Variants in C9orf50 observed in about 807,000 individuals in gnomAD.
C9orf50 encodes chromosome 9 open reading frame 50.
C9orf50 carries 33 observed loss-of-function variants against 42.5 expected under a neutral mutation model. The ratio of observed to expected loss-of-function variants is 0.78; its 90% CI spans 0.59 to 1.04. The LOEUF (loss-of-function observed/expected upper bound fraction) is 1.04. C9orf50 is among the 50% of genes least tolerant of loss of function. C9orf50 has a pLI of 0.00. For missense variants in C9orf50, 547 were observed against 594.3 expected (o/e 0.92, Z 0.83); for synonymous variants, 257 against 273.4 (o/e 0.94, Z 0.59).
rs1830627703 is a variant in C9orf50, at chr9:129,620,353, T to C, written c.222A>G (p.Gly74=). ...AGGCGGGCAGGCGCGGCGGGAGGCG[T>C]CCGACGCCCACCCCGGGCTTGGCGT... is the stretch of plus-strand genomic sequence containing the variant. The change falls in exon 1 of 7, where the codon GGA becomes GGG. Residue 74 remains glycine (G), a synonymous_variant. Transcript: ENST00000372478. This position sits in a 1 kb window ranked among gnomAD's most constrained non-coding sequence, Gnocchi z 5.8. 1.6e-6 allele frequency: 2 copies of C among 1,227,170 alleles called. No homozygotes were observed. The highest frequency in any genetic ancestry group is 2.0e-6 in the Non-Finnish European group (2 of 985,486). The allele number at this position is 1,227,170 out of a possible 1,614,324, so 76.0% of individuals were successfully genotyped here.
At chr9:129,612,582 G>A (rs1588107786) in intron 6 of C9orf50, 128 bp from the exon 7 acceptor site, 2 of 708,668 alleles carry the variant, frequency 2.8e-6, no homozygotes, top group Non-Finnish European at 4.8e-6. Flanking sequence ...TAAAAGATGA[G>A]GAAACAAATG....
In C9orf50 at chr9:129,613,065, G is replaced by C. The variant is rs777643615; in HGVS notation, c.1188+42C>G. On this transcript the variant is annotated intron_variant, in intron 6 of 6. Coordinates refer to ENST00000372478, the Ensembl canonical transcript of C9orf50. This position sits in a 1 kb window ranked among gnomAD's most constrained non-coding sequence, Gnocchi z 6.2. ...CTCCCGGAGCCAGCTGCCAGCAGGG[G>C]CTCACCAGCTTCTAGGTCCAGGAGC... 1.2e-6 allele frequency: 2 copies of C among 1,610,928 alleles called. No homozygotes were observed. Among genetic ancestry groups the C allele is most frequent in the Non-Finnish European group, 1.7e-6 (2 of 1,179,508 alleles).
At chr9:129,618,950 G>A (rs528709772) in intron 3 of C9orf50, among the ~76,000 whole-genome samples, 42 of 149,222 alleles carry the variant, frequency 2.8e-4, no homozygotes, top group African/African-American at 9.9e-4. Flanking sequence ...TCCTAACCTC[G>A]TGATCCGCCC....
chr9:129,615,590 C>G (rs111868243), exon 4 of C9orf50: 1 of 1,605,686 alleles, frequency 6.2e-7, no homozygotes, highest in Non-Finnish European at 8.5e-7. Context: ...AGCCTTCCCC[C>G]GAGGGGTTGT....
At chr9:129,619,371 G>A in intron 3 of C9orf50, 149 bp downstream of exon 3, 1 of 667,290 alleles carries the variant, frequency 1.5e-6, no homozygotes, top group Non-Finnish European at 2.6e-6. Context: ...GTTGGTAGAA[G>A]ATCTGATTCA....
chr9:129,613,022 C>G lies in C9orf50; in HGVS notation c.1188+85G>C. On this transcript the variant is annotated intron_variant, in intron 6 of 6. Coordinates refer to ENST00000372478, the Ensembl canonical transcript of C9orf50. This position sits in a 1 kb window ranked among gnomAD's most constrained non-coding sequence, Gnocchi z 6.2. ...GAGGGTCCACTCCCAGCCCCAGCCA[C>G]TCCACCAAACAGGGCTGCTCCCGGA... 1 of 1,565,336 alleles carries G rather than the reference C, an allele frequency of 6.4e-7. No individual in the cohort carries two copies.
At position 129,613,998 on chromosome 9, in the gene C9orf50, C is replaced by G. The variant is rs1830224576; in HGVS notation, c.881-401G>C. Among the ~76,000 whole-genome samples the G allele has an allele frequency of 6.6e-6, 1 of 152,172 alleles. No individual in the cohort carries two copies. The highest frequency in any genetic ancestry group is 2.4e-5 in the African/African-American group (1 of 41,436). On this transcript the variant is annotated intron_variant, in intron 4 of 6. Coordinates refer to ENST00000372478, the Ensembl canonical transcript of C9orf50. The surrounding 1 kb of genome is among the most constrained non-coding windows in gnomAD (Gnocchi z 6.2). ...CGAGGTGGTCCAAGGACCCTGAGTT[C>G]CCCAATGGCTGCCCCAGGATGGAAA...
intron 4 of C9orf50, among the ~76,000 whole-genome samples, chr9:129,615,157 G>C (rs1002829526): frequency 6.6e-6 from 1 of 152,180 alleles, no homozygotes; most frequent in South Asian, 2.1e-4. Context: ...TGGGGACTGC[G>C]GAGGGGAGCA....
chr9:129,612,980 G>T, intron 6 of C9orf50, 127 bp downstream of exon 6: 1 of 1,225,384 alleles, frequency 8.2e-7, no homozygotes, highest in Admixed American at 2.3e-5. Context: ...AGCCCCCACG[G>T]TGACTTGGCT....
At chr9:129,616,967 G>A (rs917222185) in intron 3 of C9orf50, among the ~76,000 whole-genome samples, 2 of 152,014 alleles carry the variant, frequency 1.3e-5, no homozygotes, top group Non-Finnish European at 2.9e-5. Flanking sequence ...CCAGTTACTC[G>A]AGAGGTTGAG....
chr9:129,617,018 G>A (rs1830423088), intron 3 of C9orf50, among the ~76,000 whole-genome samples: 1 of 151,924 alleles, frequency 6.6e-6, no homozygotes, highest in Non-Finnish European at 1.5e-5. Context: ...AGTGAGCCGA[G>A]ATCGTGCCAC....
Position 129,613,397 on chromosome 9 carries a change from A to G in C9orf50, c.1043+38T>C, listed in dbSNP as rs560022767. On this transcript the variant is annotated intron_variant, in intron 5 of 6. Transcript: ENST00000372478. The surrounding 1 kb of genome is among the most constrained non-coding windows in gnomAD (Gnocchi z 6.2). ...GGCAAGGGGGGTGGAGGGCCCTGGC[A>G]ATGTCCACGAGTCCCATCCGCTTCC... 2.5e-6 allele frequency: 4 copies of G among 1,605,180 alleles called. No homozygotes were observed. The African/African-American group carries it at 5.3e-5, about 21-fold the overall frequency.
intron 3 of C9orf50, among the ~76,000 whole-genome samples, chr9:129,616,858 G>A (rs962851562): frequency 2.0e-5 from 3 of 152,118 alleles, no homozygotes; most frequent in African/African-American, 4.8e-5. Context: ...AGATCAAAAG[G>A]TCAAGAGATC....
chr9:129,615,333 G>A, intron 4 of C9orf50, 151 bp downstream of exon 4: 1 of 826,696 alleles, frequency 1.2e-6, no homozygotes. Context: ...ATCCTCCAAG[G>A]AGGCCAGTTC....
Position 129,613,126 on chromosome 9 carries a change from G to A in C9orf50, c.1169C>T (p.Pro390Leu), listed in dbSNP as rs150167818. 1.1e-5 allele frequency: 17 copies of A among 1,613,876 alleles called. No homozygotes were observed. The highest frequency in any genetic ancestry group is 6.7e-5 in the African/African-American group (5 of 75,046). The change falls in exon 6 of 7, where the codon CCG (proline) becomes CTG (leucine). Residue 390 changes from proline to leucine, a missense_variant. Coordinates refer to ENST00000372478, the Ensembl canonical transcript of C9orf50. The surrounding 1 kb of genome is among the most constrained non-coding windows in gnomAD (Gnocchi z 6.2). The stretch of plus-strand genomic sequence containing the variant: ...GCCCACCTGCTCCAGGTTTCTGTGC[G>A]GGTCCAAGAAGGCTCGGAGGCTGCT...
chr9:129,612,488 C>T, intron 6 of C9orf50, 34 bp from the exon 7 acceptor site: 2 of 1,568,708 alleles, frequency 1.3e-6, no homozygotes, highest in Non-Finnish European at 1.7e-6. Context: ...TGGCTGCTAC[C>T]AGGACCTCGG....
exon 3 of C9orf50, chr9:129,619,583 G>A: frequency 3.7e-6 from 6 of 1,614,148 alleles, no homozygotes; most frequent in Middle Eastern, 1.6e-4. Flanking sequence ...CAGAATAGGT[G>A]TCTGCTGGAG....
exon 4 of C9orf50, chr9:129,615,511 G>A: frequency 6.2e-7 from 1 of 1,607,154 alleles, no homozygotes; most frequent in Non-Finnish European, 8.5e-7. Context: ...CAGTAGCGGA[G>A]CGTTGTGTCC....
upstream of C9orf50, among the ~76,000 whole-genome samples, chr9:129,621,124 G>C (rs189071933): frequency 4.0e-4 from 61 of 152,356 alleles, no homozygotes; most frequent in African/African-American, 1.2e-3. Context: ...CTGCCTTGCA[G>C]TGTTCAAAGC....
Sources: allele counts gnomAD v4.1 joint callset (sites outside exome capture counted in the v4.1 genomes callset), GRCh38; gene constraint gnomAD v4.1.1; non-coding constraint Gnocchi (gnomAD v3.1); transcripts MANE v1.5; gene names NCBI Gene and HGNC (gene_info 2026-07-23, HGNC 2026-07-21).